Variants in RNF126 observed in about 807,000 individuals in gnomAD.
RNF126 encodes the protein E3 ubiquitin-protein ligase RNF126.
A neutral mutation model predicts 41.9 loss-of-function variants in RNF126; 20 were observed. That is an observed-to-expected ratio of 0.48 (90% CI 0.34 to 0.69). RNF126 has a LOEUF of 0.69. RNF126 is among the 30% of genes least tolerant of loss of function. The pLI, the probability that RNF126 is intolerant of heterozygous loss-of-function variation, is 0.01. For synonymous variants in RNF126, 239 were observed against 202.9 expected (o/e 1.18, Z -1.51); for missense variants, 433 against 460.6 (o/e 0.94, Z 0.55).
intron 6 of RNF126, 26 bp from the exon 7 acceptor site, chr19:649,001 G>A (rs1238514915): frequency 1.3e-5 from 17 of 1,273,884 alleles, no homozygotes; most frequent in African/African-American, 3.1e-5. Context: ...CGAGAGTGCC[G>A]GGAGCTCCTC....
At chr19:654,300 C>CG (rs1452222661) in intron 1 of RNF126, among the ~76,000 whole-genome samples, 2 of 152,174 alleles carry the variant, frequency 1.3e-5, no homozygotes, top group Non-Finnish European at 2.9e-5. Context: ...CTGGTGAGGC[C>CG]GGGAGGCACC....
intron 2 of RNF126, chr19:652,544 G>C (rs60873291): frequency 1.7e-6 from 1 of 601,798 alleles, no homozygotes; most frequent in Non-Finnish European, 2.9e-6. Context: ...TAGGGCCCCC[G>C]TGGCCCCTTC....
In RNF126 at chr19:659,634, G is replaced by A. The variant is rs1391702918; in HGVS notation, c.75+3413C>T. Among the ~76,000 whole-genome samples the A allele has an allele frequency of 6.6e-6, 1 of 152,216 alleles. No homozygotes were observed. The highest frequency in any genetic ancestry group is 2.4e-5 in the African/African-American group (1 of 41,456). ...AGCTCCAGTCAGTGCCTCCTCAGCAGGCTCGAGTCTGGGTCTGCGCAGCCG... is the reference window on the plus strand; with the variant it reads ...AGCTCCAGTCAGTGCCTCCTCAGCAAGCTCGAGTCTGGGTCTGCGCAGCCG... On this transcript the variant is annotated intron_variant, in intron 1 of 8. Transcript: ENST00000292363. This position sits in a 1 kb window ranked among gnomAD's most constrained non-coding sequence, Gnocchi z 4.9.
chr19:652,324 C>T (rs921164410), intron 2 of RNF126, 28 bp from the exon 3 acceptor site: 4 of 1,538,412 alleles, frequency 2.6e-6, no homozygotes, highest in Admixed American at 4.5e-5. Flanking sequence ...GTCAGCAGTG[C>T]CGGCTACCCT....
At chr19:662,394 G>A (rs1313070290) in intron 1 of RNF126, among the ~76,000 whole-genome samples, 1 of 152,220 alleles carries the variant, frequency 6.6e-6, no homozygotes, top group Non-Finnish European at 1.5e-5. Context: ...AGGGTGGGCT[G>A]CGCAGCCAAG....
At chr19:652,943 C>G (rs1056267762) in intron 1 of RNF126, 59 bp from the exon 2 acceptor site, 28 of 1,527,150 alleles carry the variant, frequency 1.8e-5, no homozygotes, top group Middle Eastern at 1.7e-4. Flanking sequence ...GCAAACCCCC[C>G]CAAGTGTGAG....
Position 652,452 on chromosome 19 carries a change from G to A in RNF126, c.135-156C>T. 5.9e-6 allele frequency: 4 copies of A among 680,838 alleles called. No individual in the cohort carries two copies. The South Asian group carries it at 7.3e-5, about 12-fold the overall frequency. 42.2% of individuals were successfully genotyped at this position (680,838 alleles called of 1,614,324 possible). The stretch of plus-strand genomic sequence containing the variant: ...CCAGCATTTGGTGCCGTAACCCGCT[G>A]CTGCTTCCCTCGCCAGTAAACCACG... On this transcript the variant is annotated intron_variant, in intron 2 of 8. Transcript: ENST00000292363.
chr19:662,925 A>C, intron 1 of RNF126, 122 bp downstream of exon 1: 2 of 369,212 alleles, frequency 5.4e-6, no homozygotes, highest in Non-Finnish European at 9.1e-6. Flanking sequence ...CCCGAGCCTC[A>C]GTTTTCCCGT....
chr19:651,029 A>C (rs752948798), intron 4 of RNF126, among the ~76,000 whole-genome samples: 1 of 152,174 alleles, frequency 6.6e-6, no homozygotes, highest in Non-Finnish European at 1.5e-5. Flanking sequence ...GTGCCTGGCA[A>C]AATTAGCCAC....
chr19:652,199 C>A, intron 3 of RNF126, 34 bp downstream of exon 3: 1 of 1,495,164 alleles, frequency 6.7e-7, no homozygotes, highest in Non-Finnish European at 8.9e-7. Context: ...GCAAGGCTGA[C>A]ACGATCGGGA....
At position 660,589 on chromosome 19, in the gene RNF126, C is replaced by T. The variant is rs529976448; in HGVS notation, c.75+2458G>A. On this transcript the variant is annotated intron_variant, in intron 1 of 8. Transcript: ENST00000292363. The stretch of plus-strand genomic sequence containing the variant: ...TCCCCATTGCCAGATACGGAGCAGC[C>T]GTCCCTCCCCAGAACAAACGCCAGG... Among the ~76,000 whole-genome samples, 14 of 152,308 alleles carry T rather than the reference C, an allele frequency of 9.2e-5. No homozygotes were observed. The South Asian group carries it at 2.9e-3, about 32-fold the overall frequency.
intron 4 of RNF126, among the ~76,000 whole-genome samples, chr19:651,085 G>C (rs1213823241): frequency 6.6e-6 from 1 of 152,084 alleles, no homozygotes. Flanking sequence ...AACCATAAAA[G>C]CATCAACCGC....
In RNF126 at chr19:659,365, C is replaced by G. The variant is rs959269371; in HGVS notation, c.75+3682G>C. Among the ~76,000 whole-genome samples the G allele has an allele frequency of 3.3e-5, 5 of 152,162 alleles. No individual in the cohort carries two copies. Among genetic ancestry groups the G allele is most frequent in the African/African-American group, 1.2e-4 (5 of 41,446 alleles). ...TGGCTCCCCGCCCACGCCGGCTCTT[C>G]CCCGCCACCGTGGGCGGCAGGGCCC... On this transcript the variant is annotated intron_variant, in intron 1 of 8. Transcript: ENST00000292363. This position sits in a 1 kb window ranked among gnomAD's most constrained non-coding sequence, Gnocchi z 4.9.
intron 4 of RNF126, among the ~76,000 whole-genome samples, chr19:650,909 A>G (rs1021809645): frequency 9.9e-5 from 15 of 152,102 alleles, no homozygotes; most frequent in Admixed American, 7.9e-4. Flanking sequence ...CTTTTTAAAA[A>G]TTAGAGATGG....
At chr19:651,534 C>T in intron 4 of RNF126, 77 bp downstream of exon 4, 1 of 1,329,328 alleles carries the variant, frequency 7.5e-7, no homozygotes, top group Non-Finnish European at 9.7e-7. Flanking sequence ...TCCGTGGAAC[C>T]CGTGCTGGAT....
rs1015368398 is a variant in RNF126 at position 648,390 on chromosome 19, G to A, written c.768C>T (p.Ile256=). ...CACTCACCTGCTCCAGCCAGGGCAC[G>A]ATGCAGCCGTCGTGGAACAGGTGGT... The part of the protein sequence containing the change: ...PCNHLFHDGC[I]VPWLEQHDSC... Residue 256 remains isoleucine, a synonymous_variant, in exon 8 of 9, where the codon ATC becomes ATT. Transcript: ENST00000292363. 16 of 1,558,340 alleles carry A rather than the reference G, an allele frequency of 1.0e-5. No homozygotes were observed. Among genetic ancestry groups the A allele is most frequent in the East Asian group, 2.4e-5 (1 of 41,596 alleles).
chr19:648,320 G>A (rs1191450798), intron 8 of RNF126, 43 bp from the exon 9 acceptor site: 2 of 1,534,450 alleles, frequency 1.3e-6, no homozygotes, highest in Admixed American at 2.0e-5. Context: ...GGGCAGGTTA[G>A]AGGCGGGAGG....
chr19:650,031 G>A (rs2030196246), intron 5 of RNF126, among the ~76,000 whole-genome samples: 1 of 148,670 alleles, frequency 6.7e-6, no homozygotes, highest in East Asian at 2.0e-4. Context: ...GATGGGGACA[G>A]GCACCCCCAC....
chr19:650,188 C>T, intron 5 of RNF126, 46 bp downstream of exon 5: 1 of 1,480,514 alleles, frequency 6.8e-7, no homozygotes. Flanking sequence ...ACCCACTCAC[C>T]AGGGACCCAG....
Sources: allele counts gnomAD v4.1 joint callset (sites outside exome capture counted in the v4.1 genomes callset), GRCh38; gene constraint gnomAD v4.1.1; non-coding constraint Gnocchi (gnomAD v3.1); transcripts MANE v1.5; gene names NCBI Gene and HGNC (gene_info 2026-07-23, HGNC 2026-07-21).